Variants in NUP210L observed in about 807,000 individuals in gnomAD.
The protein encoded by NUP210L is nucleoporin 210 like.
Under a neutral mutation model 208.5 loss-of-function variants are expected in NUP210L, and 74 were observed. The observed-to-expected ratio is 0.35, with a 90% confidence interval of 0.29 to 0.43. NUP210L has a LOEUF of 0.43. Among genes scored for constraint, NUP210L ranks in the 20% least tolerant of loss-of-function variants. The pLI, the probability that NUP210L is intolerant of heterozygous loss-of-function variation, is 1.00. For synonymous variants in NUP210L, 780 were observed against 816.9 expected, an observed-to-expected ratio of 0.95 and a Z score of 0.77; for missense variants, 1,843 against 2,289.4, an observed-to-expected ratio of 0.81 and a Z score of 3.98.
At chr1:154,126,652 G>C (rs1657994720) in intron 9 of NUP210L, among the ~76,000 whole-genome samples, 189 bp from the exon 10 acceptor site, 1 of 152,158 alleles carries the variant, frequency 6.6e-6, no homozygotes, top group South Asian at 2.1e-4. Flanking sequence ...ACTAGTTTTT[G>C]AAAGATCTAT....
intron 23 of NUP210L, 73 bp from the exon 24 acceptor site, chr1:154,054,905 A>ATTT: frequency 1.9e-5 from 16 of 855,258 alleles, no homozygotes; most frequent in Non-Finnish European, 2.4e-5. Context: ...GGTCATTTAA[A>ATTT]TTTTTTTTTT....
chr1:154,007,241 C>T (rs1347884978), intron 35 of NUP210L, among the ~76,000 whole-genome samples: 2 of 149,214 alleles, frequency 1.3e-5, no homozygotes, highest in Middle Eastern at 6.8e-3. Context: ...GGATTACAGG[C>T]GTTAGCTACT....
intron 17 of NUP210L, among the ~76,000 whole-genome samples, chr1:154,066,675 C>T (rs1320766219): frequency 6.6e-6 from 1 of 151,852 alleles, no homozygotes; most frequent in African/African-American, 2.4e-5. Context: ...AAAAGATCAA[C>T]AAAATTGATA....
intron 2 of NUP210L, among the ~76,000 whole-genome samples, chr1:154,150,860 C>G (rs1016866543): frequency 4.6e-5 from 7 of 151,938 alleles, no homozygotes; most frequent in Admixed American, 4.6e-4. Context: ...TTCTCTTAGG[C>G]ATGCACTTCT....
chr1:154,034,993 C>G (rs1446736427), intron 27 of NUP210L, among the ~76,000 whole-genome samples: 1 of 151,970 alleles, frequency 6.6e-6, no homozygotes, highest in Non-Finnish European at 1.5e-5. Flanking sequence ...AGGTGTGTAC[C>G]ACCATGCCTG....
chr1:154,138,259 A>G lies in NUP210L; in HGVS notation c.718-21T>C, dbSNP rs771397739. Reference sequence around the variant, plus strand: ...ACTTTCTAAAAGAGGGAGGGAAGGAAAAAAAAAAACAGTTTCCATGGACGG... The same window carrying G: ...ACTTTCTAAAAGAGGGAGGGAAGGAGAAAAAAAAACAGTTTCCATGGACGG... On this transcript the variant is annotated intron_variant, in intron 5 of 39. Coordinates refer to ENST00000368559, the Ensembl canonical transcript of NUP210L. 9.2e-5 allele frequency: 128 copies of G among 1,388,244 alleles called. 1 individual carries two copies. In the South Asian group the frequency reaches 1.8e-3, roughly 19 times the overall value. 86.0% of individuals were successfully genotyped at this position (1,388,244 alleles called of 1,614,324 possible).
intron 2 of NUP210L, among the ~76,000 whole-genome samples, chr1:154,149,309 C>T (rs957271114): frequency 6.6e-6 from 1 of 152,124 alleles, no homozygotes; most frequent in Non-Finnish European, 1.5e-5. Flanking sequence ...TGGTCTCGAC[C>T]TCCTGACCTC....
intron 30 of NUP210L, among the ~76,000 whole-genome samples, 170 bp downstream of exon 30, chr1:154,025,372 T>C (rs1426704983): frequency 7.6e-6 from 1 of 131,398 alleles, no homozygotes; most frequent in Non-Finnish European, 1.6e-5. Context: ...TTTTTTTTTT[T>C]CTGGTTCATG....
chr1:153,997,695 T>A (rs1469398989), intron 37 of NUP210L, among the ~76,000 whole-genome samples: 3 of 143,864 alleles, frequency 2.1e-5, no homozygotes, highest in Non-Finnish European at 3.1e-5. Flanking sequence ...CTGTATTTGT[T>A]TTTTTTTTTT....
chr1:154,093,831 T>C (rs567335145), intron 15 of NUP210L, among the ~76,000 whole-genome samples: 37 of 152,110 alleles, frequency 2.4e-4, no homozygotes, highest in Non-Finnish European at 4.7e-4. Context: ...ATGAAAACTA[T>C]GCAAATCCAT....
At chr1:154,125,683 A>G (rs1482088828) in intron 10 of NUP210L, among the ~76,000 whole-genome samples, 536 of 7,904 alleles carry the variant, frequency 0.068, 10 homozygotes, top group Non-Finnish European at 0.16. Flanking sequence ...GGAAGGAAGG[A>G]AGGAAGGAAG....
chr1:154,126,217 C>T, intron 10 of NUP210L, 106 bp downstream of exon 10: 1 of 936,734 alleles, frequency 1.1e-6, no homozygotes, highest in Admixed American at 2.5e-5. Flanking sequence ...GTTTATTTTT[C>T]TGAAAGATAA....
chr1:154,075,933 G>A (rs1655008408), intron 16 of NUP210L, among the ~76,000 whole-genome samples: 1 of 151,020 alleles, frequency 6.6e-6, no homozygotes, highest in Non-Finnish European at 1.5e-5. Flanking sequence ...GAGACTACAG[G>A]CATGCACCAC....
chr1:153,994,465 C>G (rs1441332497), intron 38 of NUP210L, among the ~76,000 whole-genome samples: 1 of 151,888 alleles, frequency 6.6e-6, no homozygotes, highest in Admixed American at 6.5e-5. Flanking sequence ...GCATGTGCCA[C>G]CACACTGACT....
In NUP210L at chr1:154,100,894, C is replaced by G. The variant is rs1656436348; in HGVS notation, c.1820-751G>C. Among the ~76,000 whole-genome samples, 3 of 152,078 alleles carry G rather than the reference C, an allele frequency of 2.0e-5. No homozygotes were observed. The South Asian group carries it at 6.2e-4, about 32-fold the overall frequency. On this transcript the variant is annotated intron_variant, in intron 13 of 39. Coordinates refer to ENST00000368559, the Ensembl canonical transcript of NUP210L. ...ATATATTAAAAATACCATCTTGGGC[C>G]AGGCACAGTGGCTCATGCCTATAAT...
intron 14 of NUP210L, among the ~76,000 whole-genome samples, chr1:154,099,359 T>G (rs1011926033): frequency 6.6e-6 from 1 of 152,088 alleles, no homozygotes; most frequent in Non-Finnish European, 1.5e-5. Flanking sequence ...GGCTCCCACT[T>G]GGCGTCGGTT....
At chr1:154,103,079 T>C (rs917914204) in intron 13 of NUP210L, among the ~76,000 whole-genome samples, 1 of 82,136 alleles carries the variant, frequency 1.2e-5, no homozygotes, top group Non-Finnish European at 2.9e-5. Flanking sequence ...ACCCTGTCTC[T>C]AATAATAATA....
chr1:154,107,727 C>T (rs1191123807), intron 12 of NUP210L, among the ~76,000 whole-genome samples: 1 of 151,266 alleles, frequency 6.6e-6, no homozygotes, highest in African/African-American at 2.4e-5. Flanking sequence ...ATAAGCTGGG[C>T]ATGGTGGCGC....
intron 33 of NUP210L, 25 bp downstream of exon 33, chr1:154,018,908 T>C: frequency 6.2e-7 from 1 of 1,612,958 alleles, no homozygotes; most frequent in Non-Finnish European, 8.5e-7. Flanking sequence ...CCTAGTCTCT[T>C]AAACTCTGAT....
Sources: allele counts gnomAD v4.1 joint callset (sites outside exome capture counted in the v4.1 genomes callset), GRCh38; gene constraint gnomAD v4.1.1; transcripts MANE v1.5; gene names NCBI Gene and HGNC (gene_info 2026-07-23, HGNC 2026-07-21).